NAA11: variants seen among roughly 807,000 people sequenced by gnomAD.
NAA11 encodes N-alpha-acetyltransferase 11, NatA catalytic subunit.
NAA11 carries 15 observed loss-of-function variants against 16.1 expected under a neutral mutation model. The ratio of observed to expected loss-of-function variants is 0.93; its 90% confidence interval spans 0.62 to 1.44. The LOEUF (loss-of-function observed/expected upper bound fraction) is 1.44. NAA11 is among the 40% of genes most tolerant of loss of function. The pLI, the probability that NAA11 is intolerant of heterozygous loss-of-function variation, is 0.00. For missense variants in NAA11, 298 were observed against 291.3 expected (o/e 1.02, Z -0.17); for synonymous variants, 122 against 112.4 (o/e 1.09, Z -0.54).
chr4:79,187,196 C>T, the NAA11 span, among the ~76,000 whole-genome samples: 1 of 152,050 alleles, frequency 6.6e-6, no homozygotes, highest in Non-Finnish European at 1.5e-5. Context: ...TTCTCAGAGC[C>T]CGAGTCTGGG....
intron 2 of NAA11, among the ~76,000 whole-genome samples, chr4:79,288,536 A>T (rs1723002631): frequency 6.6e-6 from 1 of 152,196 alleles, no homozygotes; most frequent in Non-Finnish European, 1.5e-5. Context: ...GGAATTTTTC[A>T]TCTGTTAGTA....
the NAA11 span, among the ~76,000 whole-genome samples, chr4:79,186,893 G>C: frequency 3.9e-5 from 6 of 152,114 alleles, no homozygotes; most frequent in Admixed American, 3.9e-4. Context: ...GAAGCACGAT[G>C]AACACAGTGA....
At chr4:79,290,295 A>G (rs566697933) in intron 2 of NAA11, among the ~76,000 whole-genome samples, 1 of 152,230 alleles carries the variant, frequency 6.6e-6, no homozygotes, top group South Asian at 2.1e-4. Flanking sequence ...CCCAAATGTA[A>G]TGGAACTCAG....
the NAA11 span, among the ~76,000 whole-genome samples, chr4:79,217,165 A>G: frequency 1.3e-5 from 2 of 152,182 alleles, no homozygotes; most frequent in African/African-American, 2.4e-5. Flanking sequence ...TTGTGCTTCT[A>G]TTAGTGAGGC....
intron 2 of NAA11, among the ~76,000 whole-genome samples, chr4:79,291,013 C>A (rs1007067119): frequency 1.3e-5 from 2 of 151,920 alleles, no homozygotes; most frequent in South Asian, 4.2e-4. Flanking sequence ...AAATTAAAAG[C>A]ACATTCACAT....
chr4:79,199,248 C>T, the NAA11 span, among the ~76,000 whole-genome samples: 1 of 151,888 alleles, frequency 6.6e-6, no homozygotes, highest in African/African-American at 2.4e-5. Flanking sequence ...TGTTTTATAC[C>T]TCCACTTATA....
chr4:79,198,205 T>C, the NAA11 span, among the ~76,000 whole-genome samples: 1 of 151,902 alleles, frequency 6.6e-6, no homozygotes, highest in African/African-American at 2.4e-5. Flanking sequence ...AAAGAGGGAC[T>C]CATTTTAAGA....
At chr4:79,311,083 C>T (rs1723756266) in intron 1 of NAA11, among the ~76,000 whole-genome samples, 1 of 152,090 alleles carries the variant, frequency 6.6e-6, no homozygotes, top group African/African-American at 2.4e-5. Flanking sequence ...CAGGGATAAG[C>T]CATGAATTAC....
At chr4:79,213,763 T>C in the NAA11 span, among the ~76,000 whole-genome samples, 1 of 152,200 alleles carries the variant, frequency 6.6e-6, no homozygotes, top group African/African-American at 2.4e-5. Context: ...ATGGAATCCC[T>C]TATGTCCTTT....
intron 2 of NAA11, among the ~76,000 whole-genome samples, chr4:79,287,339 C>A (rs1471935495): frequency 6.6e-6 from 1 of 152,068 alleles, no homozygotes; most frequent in Non-Finnish European, 1.5e-5. Flanking sequence ...TGACATAACT[C>A]AGGAAATAGG....
chr4:79,259,389 G>C (rs1578166903), intron 2 of NAA11, among the ~76,000 whole-genome samples: 1 of 152,180 alleles, frequency 6.6e-6, no homozygotes, highest in Non-Finnish European at 1.5e-5. Context: ...CAGCCTCACA[G>C]AGAGCTGGCA....
chr4:79,315,716 G>A (rs17003710), downstream of NAA11, among the ~76,000 whole-genome samples: 6,465 of 151,392 alleles, frequency 0.043, 467 homozygotes, highest in African/African-American at 0.15. Context: ...TGTGTAAAAA[G>A]AACAATGCTA....
At chr4:79,264,282 T>C (rs2109975952) in intron 2 of NAA11, among the ~76,000 whole-genome samples, 1 of 152,322 alleles carries the variant, frequency 6.6e-6, no homozygotes, top group South Asian at 2.1e-4. Flanking sequence ...AAACTACAGG[T>C]TCTATTCCTT....
chr4:79,217,710 T>C, the NAA11 span, among the ~76,000 whole-genome samples: 1 of 152,170 alleles, frequency 6.6e-6, no homozygotes, highest in Non-Finnish European at 1.5e-5. Flanking sequence ...TGCCATTAGC[T>C]GATATCAGTT....
intron 2 of NAA11, among the ~76,000 whole-genome samples, chr4:79,242,941 A>T (rs1232568605): frequency 2.0e-5 from 3 of 152,226 alleles, no homozygotes; most frequent in African/African-American, 7.2e-5. Context: ...TAGAGATAAG[A>T]ATTAGGCTTT....
At chr4:79,201,866 A>G in the NAA11 span, among the ~76,000 whole-genome samples, 1 of 151,798 alleles carries the variant, frequency 6.6e-6, no homozygotes, top group Admixed American at 6.6e-5. Context: ...GTTATCAAAA[A>G]AATAACTTCA....
At chr4:79,164,946 G>A in the NAA11 span, among the ~76,000 whole-genome samples, 1 of 152,216 alleles carries the variant, frequency 6.6e-6, no homozygotes, top group Non-Finnish European at 1.5e-5. Context: ...GGATTGTTTA[G>A]CAAAGCTTCA....
the NAA11 span, among the ~76,000 whole-genome samples, chr4:79,169,076 C>T: frequency 6.6e-6 from 1 of 152,070 alleles, no homozygotes; most frequent in Admixed American, 6.5e-5. Context: ...TCAAGGAGAA[C>T]TACAAACCAC....
At chr4:79,187,320 T>G in the NAA11 span, among the ~76,000 whole-genome samples, 2 of 152,186 alleles carry the variant, frequency 1.3e-5, no homozygotes, top group African/African-American at 4.8e-5. Flanking sequence ...TGAGTGCAAA[T>G]AGCTGCATGT....
Sources: gnomAD v4.1 joint callset for allele counts (sites outside exome capture counted in the v4.1 genomes callset) on GRCh38, gnomAD v4.1.1 for gene constraint, MANE v1.5 for transcripts, NCBI Gene and HGNC (gene_info 2026-07-23, HGNC 2026-07-21) for gene names.